Variants in HMG20A observed in about 807,000 individuals in gnomAD.
HMG20A encodes the protein high mobility group protein 20A.
In HMG20A, 17 loss-of-function variants were observed where a neutral mutation model predicts 43.9. The observed-to-expected ratio is 0.39, with a 90% confidence interval of 0.27 to 0.58. HMG20A has a LOEUF of 0.58. Among genes scored for constraint, HMG20A ranks in the 20% least tolerant of loss-of-function variants. HMG20A has a pLI of 0.59. For synonymous variants in HMG20A, 132 were observed against 147.5 expected (o/e 0.89, Z 0.76); for missense variants, 341 against 438.2 (o/e 0.78, Z 1.98).
intron 1 of HMG20A, among the ~76,000 whole-genome samples, chr15:77,435,428 T>C (rs2073535424): frequency 6.6e-6 from 1 of 152,150 alleles, no homozygotes; most frequent in Non-Finnish European, 1.5e-5. Flanking sequence ...GGACTACAGA[T>C]GCGTGCCACC....
In HMG20A at chr15:77,471,907, G is replaced by A. The variant is rs1034473431; in HGVS notation, c.615+93G>A. On this transcript the variant is annotated intron_variant, in intron 6 of 9. Transcript: ENST00000336216. ...TGGATTTTTTTTTTTTTAATGAATG[G>A]CAAAGTATTTCCTATCTCGTAATTC... is the stretch of plus-strand genomic sequence containing the variant. The A allele has an allele frequency of 1.5e-5, 10 of 665,050 alleles. No individual in the cohort carries two copies. In the South Asian group the frequency reaches 1.6e-4, roughly 11 times the overall value. 41.2% of individuals were successfully genotyped at this position (665,050 alleles called of 1,614,324 possible). A position where few individuals can be genotyped will look rare whatever the true frequency, so the allele number is the denominator to read the frequency against.
Position 77,464,369 on chromosome 15 carries a change from A to G in HMG20A, c.219A>G (p.Glu73=), listed in dbSNP as rs550852751. 18 of 1,613,720 alleles carry G rather than the reference A, an allele frequency of 1.1e-5. No individual in the cohort carries two copies. The Admixed American group carries it at 2.7e-4, about 24-fold the overall frequency. Residue 73 remains glutamate, a synonymous_variant, in exon 3 of 10, where the codon GAA becomes GAG. Coordinates refer to ENST00000336216, the MANE Select transcript of HMG20A (RefSeq NM_001304504.2). The part of the protein sequence containing the change: ...SESSNAAEGN[E]QRHEDEQRSK... The stretch of plus-strand genomic sequence containing the variant: ...CTTCAAATGCAGCAGAAGGCAATGA[A>G]CAGAGGCATGAAGATGAGGTAAGCT...
chr15:77,505,526 C>T, the HMG20A span, among the ~76,000 whole-genome samples: 1 of 152,220 alleles, frequency 6.6e-6, no homozygotes, highest in Admixed American at 6.5e-5. Context: ...GCCTCCCATG[C>T]AGGAGAACCA....
intron 6 of HMG20A, among the ~76,000 whole-genome samples, chr15:77,474,800 T>G (rs16968848): frequency 0.1 from 15,524 of 152,094 alleles, 858 homozygotes; most frequent in African/African-American, 0.11. Context: ...AAAGTAAAAG[T>G]CTCTTGAGAG....
At chr15:77,453,986 A>G (rs1156457290) in intron 1 of HMG20A, among the ~76,000 whole-genome samples, 2 of 151,342 alleles carry the variant, frequency 1.3e-5, no homozygotes, top group African/African-American at 2.4e-5. Context: ...CCTGGGCAAC[A>G]TAGCGAAACC....
chr15:77,497,549 G>A, the HMG20A span, among the ~76,000 whole-genome samples: 4 of 152,246 alleles, frequency 2.6e-5, no homozygotes, highest in Non-Finnish European at 4.4e-5. Context: ...AGCTTAGACA[G>A]AGCTGCCACC....
At chr15:77,421,647 A>G (rs1047035348) in intron 1 of HMG20A, among the ~76,000 whole-genome samples, 50 of 152,330 alleles carry the variant, frequency 3.3e-4, no homozygotes, top group African/African-American at 1.2e-3. Flanking sequence ...AATATTTTAC[A>G]TAAAATCTGG....
At chr15:77,480,611 C>CA (rs1261742792) in intron 9 of HMG20A, among the ~76,000 whole-genome samples, 7,073 of 68,964 alleles carry the variant, frequency 0.1, 197 homozygotes, top group African/African-American at 0.13. Flanking sequence ...GATTCTGTCT[C>CA]AAAAAAAAAA....
intron 1 of HMG20A, among the ~76,000 whole-genome samples, chr15:77,439,253 C>T (rs1167001785): frequency 6.6e-6 from 1 of 152,170 alleles, no homozygotes; most frequent in Non-Finnish European, 1.5e-5. Flanking sequence ...TTGGAATTCT[C>T]ATCTTAACCA....
intron 9 of HMG20A, chr15:77,482,395 G>C (rs2072912522): frequency 6.6e-6 from 1 of 152,120 alleles, no homozygotes; most frequent in African/African-American, 2.4e-5. Flanking sequence ...GAGGCCATGA[G>C]GGTGATTTTA....
At chr15:77,500,184 A>G in the HMG20A span, among the ~76,000 whole-genome samples, 1 of 152,142 alleles carries the variant, frequency 6.6e-6, no homozygotes, top group Admixed American at 6.5e-5. Flanking sequence ...TTTGTTTTTA[A>G]GCCTTACAAA....
At chr15:77,441,340 G>A (rs2073610862) in intron 1 of HMG20A, among the ~76,000 whole-genome samples, 1 of 151,960 alleles carries the variant, frequency 6.6e-6, no homozygotes, top group East Asian at 1.9e-4. Flanking sequence ...AGAACTCTGT[G>A]TTTGTTTGTG....
chr15:77,466,989 T>C, intron 3 of HMG20A, 106 bp from the exon 4 acceptor site: 1 of 937,192 alleles, frequency 1.1e-6, no homozygotes, highest in Non-Finnish European at 1.6e-6. Context: ...AAATTGCAAC[T>C]CTTAATCCTG....
chr15:77,433,890 A>G (rs1344625685), intron 1 of HMG20A, among the ~76,000 whole-genome samples: 1 of 152,238 alleles, frequency 6.6e-6, no homozygotes, highest in Non-Finnish European at 1.5e-5. Context: ...GGAGGGACTT[A>G]CAAGTTGATT....
At chr15:77,457,226 C>A (rs1224565028) in intron 1 of HMG20A, among the ~76,000 whole-genome samples, 7 of 152,212 alleles carry the variant, frequency 4.6e-5, no homozygotes, top group Non-Finnish European at 1.0e-4. Context: ...TCGGCATTTT[C>A]TTCATATTTC....
intron 1 of HMG20A, among the ~76,000 whole-genome samples, chr15:77,451,143 A>G (rs573311455): frequency 5.9e-5 from 9 of 152,338 alleles, no homozygotes; most frequent in African/African-American, 1.7e-4. Flanking sequence ...TGAATGTATC[A>G]CAGTTCAGCC....
chr15:77,462,697 T>C (rs1434479053), intron 2 of HMG20A, among the ~76,000 whole-genome samples: 1 of 152,096 alleles, frequency 6.6e-6, no homozygotes, highest in Admixed American at 6.5e-5. Flanking sequence ...GACTCTTCCT[T>C]TCTTTCACTA....
chr15:77,446,259 T>C (rs1444785985), intron 1 of HMG20A, among the ~76,000 whole-genome samples: 1 of 152,178 alleles, frequency 6.6e-6, no homozygotes, highest in Admixed American at 6.5e-5. Flanking sequence ...TTTGAATAAA[T>C]ACCGTTATAC....
At chr15:77,517,974 G>A in the HMG20A span, among the ~76,000 whole-genome samples, 13 of 151,600 alleles carry the variant, frequency 8.6e-5, no homozygotes, top group East Asian at 2.3e-3. Flanking sequence ...ATTGAATGTC[G>A]GATACTTAAT....
Sources: gnomAD v4.1 joint callset for allele counts (sites outside exome capture counted in the v4.1 genomes callset) on GRCh38, gnomAD v4.1.1 for gene constraint, MANE v1.5 for transcripts, NCBI Gene and HGNC (gene_info 2026-07-23, HGNC 2026-07-21) for gene names.